PIK3R3: variants seen among roughly 807,000 people sequenced by gnomAD.
PIK3R3 encodes the protein phosphoinositide-3-kinase regulatory subunit 3, also known as phosphatidylinositol 3-kinase regulatory subunit gamma.
Under a neutral mutation model 62.9 loss-of-function variants are expected in PIK3R3, and 64 were observed. The ratio of observed to expected loss-of-function variants is 1.02; its 90% CI spans 0.83 to 1.25. The LOEUF (loss-of-function observed/expected upper bound fraction) is 1.25, where lower values mean the gene tolerates loss of function less well. PIK3R3 is among the 50% of genes most tolerant of loss of function. The pLI is 0.00. For synonymous variants in PIK3R3, 165 were observed against 189.0 expected, an observed-to-expected ratio of 0.87 and a Z score of 1.04; for missense variants, 614 against 561.6, an observed-to-expected ratio of 1.09 and a Z score of -0.94.
chr1:46,053,334 T>C (rs1647548605), intron 7 of PIK3R3, among the ~76,000 whole-genome samples: 1 of 152,228 alleles, frequency 6.6e-6, no homozygotes, highest in Admixed American at 6.5e-5. Context: ...GTTTTCTTTC[T>C]GTCTTCTGTA....
intron 7 of PIK3R3, among the ~76,000 whole-genome samples, chr1:46,052,676 G>C (rs1027048952): frequency 3.9e-5 from 6 of 151,966 alleles, no homozygotes; most frequent in African/African-American, 1.5e-4. Context: ...TCATAGATAG[G>C]TTTTACCTAT....
intron 6 of PIK3R3, 107 bp from the exon 7 acceptor site, chr1:46,056,078 T>G: frequency 4.6e-6 from 3 of 657,694 alleles, no homozygotes; most frequent in Non-Finnish European, 4.9e-6. Context: ...TGAGATTGAG[T>G]CTCGCTCTGT....
At chr1:46,165,384 C>T in the PIK3R3 span, among the ~76,000 whole-genome samples, 165 of 150,736 alleles carry the variant, frequency 1.1e-3, 1 homozygote, top group African/African-American at 3.8e-3. Context: ...CGGCTCACCA[C>T]AACTTCCCCC....
chr1:46,137,676 T>G (rs9429095), upstream of PIK3R3, among the ~76,000 whole-genome samples: 103,914 of 152,058 alleles, frequency 0.68, 35,649 homozygotes, highest in African/African-American at 0.73. Flanking sequence ...TTGCTTCCAG[T>G]TCTCTCTCCT....
At chr1:46,136,356 A>G (rs1404145238), upstream of PIK3R3, among the ~76,000 whole-genome samples, 1 of 152,212 alleles carries the variant, frequency 6.6e-6, no homozygotes, top group Non-Finnish European at 1.5e-5. Context: ...TGCCTTCACA[A>G]TGTACAAAGA....
At chr1:46,065,032 G>A (rs769930568) in intron 5 of PIK3R3, among the ~76,000 whole-genome samples, 1 of 152,156 alleles carries the variant, frequency 6.6e-6, no homozygotes, top group Non-Finnish European at 1.5e-5. Flanking sequence ...GAATTAAGTC[G>A]AATCAACATA....
At chr1:46,150,963 T>C in the PIK3R3 span, among the ~76,000 whole-genome samples, 2 of 151,876 alleles carry the variant, frequency 1.3e-5, no homozygotes, top group Admixed American at 1.3e-4. Context: ...CATGCACCAC[T>C]GTGCCCAGCT....
intron 1 of PIK3R3, among the ~76,000 whole-genome samples, chr1:46,081,363 C>G (rs1707333): frequency 0.46 from 69,728 of 151,948 alleles, 16,159 homozygotes; most frequent in East Asian, 0.62. Context: ...AACCCCCGGG[C>G]TGCGGACTGG....
chr1:46,046,429 C>G, intron 8 of PIK3R3, 122 bp downstream of exon 8: 1 of 724,168 alleles, frequency 1.4e-6, no homozygotes, highest in Non-Finnish European at 2.4e-6. Flanking sequence ...AAAAGATAGT[C>G]AAAGTTCTAG....
At chr1:46,123,732 T>C (rs1654862916) in intron 1 of PIK3R3, among the ~76,000 whole-genome samples, 1 of 152,220 alleles carries the variant, frequency 6.6e-6, no homozygotes, top group African/African-American at 2.4e-5. Context: ...CTCAGTTTCC[T>C]GTCTGTAGAG....
chr1:46,069,499 A>G (rs1475965063), intron 3 of PIK3R3, among the ~76,000 whole-genome samples: 1 of 151,912 alleles, frequency 6.6e-6, no homozygotes, highest in Non-Finnish European at 1.5e-5. Context: ...AGCCAGGGGT[A>G]CAGAGTAAGA....
At chr1:46,078,785 T>C (rs1420278130) in intron 2 of PIK3R3, among the ~76,000 whole-genome samples, 1 of 152,146 alleles carries the variant, frequency 6.6e-6, no homozygotes, top group Non-Finnish European at 1.5e-5. Context: ...TATACATATA[T>C]TAGCCTTAAG....
chr1:46,105,946 T>C (rs1371237984), intron 1 of PIK3R3, among the ~76,000 whole-genome samples: 1 of 152,170 alleles, frequency 6.6e-6, no homozygotes, highest in Non-Finnish European at 1.5e-5. Context: ...AGAAATAAAG[T>C]ATATTTGAAA....
At chr1:46,165,392 C>T in the PIK3R3 span, among the ~76,000 whole-genome samples, 9 of 148,334 alleles carry the variant, frequency 6.1e-5, no homozygotes, top group African/African-American at 1.8e-4. Context: ...CACAACTTCC[C>T]CCTCCCAGGT....
chr1:46,119,222 T>C (rs1320660364), intron 1 of PIK3R3, among the ~76,000 whole-genome samples: 1 of 152,236 alleles, frequency 6.6e-6, no homozygotes, highest in African/African-American at 2.4e-5. Flanking sequence ...TTTGCTGTTT[T>C]GTTCACTACT....
chr1:46,164,246 A>AC, the PIK3R3 span, among the ~76,000 whole-genome samples: 4 of 152,034 alleles, frequency 2.6e-5, no homozygotes, highest in African/African-American at 7.3e-5. Flanking sequence ...AGTGAATAGC[A>AC]CCACCCAGGA....
At chr1:46,113,929 A>G (rs1316076314) in intron 1 of PIK3R3, among the ~76,000 whole-genome samples, 1 of 152,218 alleles carries the variant, frequency 6.6e-6, no homozygotes, top group Non-Finnish European at 1.5e-5. Flanking sequence ...AGTATCTATT[A>G]AAAATATATC....
At chr1:46,075,951 G>A (rs1650032784) in intron 3 of PIK3R3, among the ~76,000 whole-genome samples, 1 of 152,206 alleles carries the variant, frequency 6.6e-6, no homozygotes, top group African/African-American at 2.4e-5. Context: ...CCAAAGGCTG[G>A]AGTTCTGATT....
At chr1:46,120,806 G>A (rs2149467565) in intron 1 of PIK3R3, among the ~76,000 whole-genome samples, 1 of 152,234 alleles carries the variant, frequency 6.6e-6, no homozygotes, top group East Asian at 1.9e-4. Context: ...TGAGAAACGT[G>A]ATTAACCTAA....
Sources: gnomAD v4.1 joint callset for allele counts (sites outside exome capture counted in the v4.1 genomes callset) on GRCh38, gnomAD v4.1.1 for gene constraint, MANE v1.5 for transcripts, NCBI Gene and HGNC (gene_info 2026-07-23, HGNC 2026-07-21) for gene names.